The following GUCY1A2 variants were observed in gnomAD, a reference collection of about 807,000 sequenced individuals.
GUCY1A2 encodes the protein guanylate cyclase 1 soluble subunit alpha 2.
In GUCY1A2, 27 loss-of-function variants were observed where a neutral mutation model predicts 63.5. That is an observed-to-expected ratio of 0.43 (90% CI 0.31 to 0.59). The LOEUF is 0.59. Among genes scored for constraint, GUCY1A2 ranks in the 20% least tolerant of loss-of-function variants. The pLI, the probability that GUCY1A2 is intolerant of heterozygous loss-of-function variation, is 0.11. For synonymous variants in GUCY1A2, 364 were observed against 343.5 expected (o/e 1.06, Z -0.66); for missense variants, 768 against 913.3 (o/e 0.84, Z 2.05).
chr11:106,849,996 T>C (rs1358464256), intron 4 of GUCY1A2, among the ~76,000 whole-genome samples: 1 of 151,752 alleles, frequency 6.6e-6, no homozygotes, highest in East Asian at 1.9e-4. Flanking sequence ...TAGAATAGTT[T>C]CATCACCCCA....
chr11:106,770,060 TAAC>T lies in GUCY1A2; in HGVS notation c.1836+6376_1836+6378del, dbSNP rs369366537. On this transcript the variant is annotated intron_variant, in intron 6 of 7. Coordinates refer to ENST00000526355, the MANE Select transcript of GUCY1A2 (RefSeq NM_000855.3). The stretch of plus-strand genomic sequence containing the variant: ...ATAAAAAAAATATAACAAACAAAAA[TAAC>T]AATTCAACAATTAAAAACTACAAAC... Among the ~76,000 whole-genome samples the T allele has an allele frequency of 8.8e-3, 1,343 of 151,910 alleles. 11 individuals carry two copies. Among genetic ancestry groups the T allele is most frequent in the Middle Eastern group, 0.017 (5 of 294 alleles).
At chr11:106,771,741 G>C (rs140835476) in intron 6 of GUCY1A2, among the ~76,000 whole-genome samples, 111 of 149,996 alleles carry the variant, frequency 7.4e-4, no homozygotes, top group African/African-American at 2.7e-3. Flanking sequence ...AACAGAGCAA[G>C]ACCCTGTGTC....
At chr11:106,688,596 A>G (rs1409128425) in intron 7 of GUCY1A2, among the ~76,000 whole-genome samples, 1 of 152,206 alleles carries the variant, frequency 6.6e-6, no homozygotes, top group African/African-American at 2.4e-5. Flanking sequence ...CAGTTTTGTC[A>G]ACAGATATAG....
rs575246670 is a variant in GUCY1A2 at position 106,835,758 on chromosome 11, T to C, written c.1207-25280A>G. Among the ~76,000 whole-genome samples the C allele has an allele frequency of 2.6e-5, 4 of 152,004 alleles. No individual in the cohort carries two copies. In the East Asian group the frequency reaches 7.8e-4, roughly 29 times the overall value. On this transcript the variant is annotated intron_variant, in intron 4 of 7. Coordinates refer to ENST00000526355, the MANE Select transcript of GUCY1A2 (RefSeq NM_000855.3). Reference sequence around the variant, plus strand: ...ATGGATTGAGAAATAATAACTGTCATCCTAGTGTGGTACACTCAGAAAAGC... The same window carrying C: ...ATGGATTGAGAAATAATAACTGTCACCCTAGTGTGGTACACTCAGAAAAGC...
intron 4 of GUCY1A2, among the ~76,000 whole-genome samples, chr11:106,855,734 C>G (rs1385812035): frequency 6.6e-6 from 1 of 152,000 alleles, no homozygotes; most frequent in Non-Finnish European, 1.5e-5. Context: ...TTTGAACACT[C>G]AATTTTATTA....
At chr11:107,007,248 C>T (rs2120198236) in intron 1 of GUCY1A2, among the ~76,000 whole-genome samples, 1 of 152,300 alleles carries the variant, frequency 6.6e-6, no homozygotes, top group Admixed American at 6.5e-5. Context: ...CAAAGACTAA[C>T]TAGTTACCAG....
intron 4 of GUCY1A2, among the ~76,000 whole-genome samples, chr11:106,851,590 T>A (rs185896718): frequency 3.3e-5 from 5 of 152,084 alleles, no homozygotes; most frequent in African/African-American, 1.2e-4. Context: ...TTCCCTTCAC[T>A]ATTTATTGAA....
At chr11:106,887,413 A>C (rs1859914762) in intron 4 of GUCY1A2, among the ~76,000 whole-genome samples, 1 of 152,038 alleles carries the variant, frequency 6.6e-6, no homozygotes, top group Non-Finnish European at 1.5e-5. Flanking sequence ...TCCTTTCTCC[A>C]CTTACATGGC....
At position 106,684,018 on chromosome 11, in the gene GUCY1A2, G is replaced by A. The variant is rs1862477752; in HGVS notation, c.*3531C>T. 1.6e-5 allele frequency: 3 copies of A among 193,546 alleles called. No individual in the cohort carries two copies. The East Asian group carries it at 2.4e-4, about 16-fold the overall frequency. The allele number at this position is 193,546 out of a possible 1,614,324, so 12.0% of individuals were successfully genotyped here. A position where few individuals can be genotyped will look rare whatever the true frequency, so the allele number is the denominator to read the frequency against. ...TTTGGAGGCATTTGCAAAATTAAAA[G>A]TCTTGCTCCCCTTGTGAATGAGATT... On this transcript the variant is annotated 3_prime_UTR_variant, in exon 8 of 8. Coordinates refer to ENST00000526355, the MANE Select transcript of GUCY1A2 (RefSeq NM_000855.3).
At chr11:106,837,997 C>T (rs11824947) in intron 4 of GUCY1A2, among the ~76,000 whole-genome samples, 4,276 of 152,024 alleles carry the variant, frequency 0.028, 195 homozygotes, top group African/African-American at 0.096. Context: ...TGAGCACACA[C>T]TCTATGCTAA....
intron 4 of GUCY1A2, among the ~76,000 whole-genome samples, chr11:106,864,351 A>C (rs186708720): frequency 6.6e-6 from 1 of 152,208 alleles, no homozygotes; most frequent in East Asian, 1.9e-4. Context: ...ATATACAATC[A>C]TGTCATCTGC....
At chr11:106,723,257 T>C (rs903782079) in intron 6 of GUCY1A2, among the ~76,000 whole-genome samples, 1 of 152,208 alleles carries the variant, frequency 6.6e-6, no homozygotes, top group Non-Finnish European at 1.5e-5. Context: ...TCTAGCTGGA[T>C]AGTTTCTCAC....
intron 7 of GUCY1A2, among the ~76,000 whole-genome samples, chr11:106,698,250 A>T (rs1007717933): frequency 6.7e-6 from 1 of 150,102 alleles, no homozygotes; most frequent in African/African-American, 2.5e-5. Context: ...CTCTTGAGCA[A>T]CTGAGACTTT....
intron 4 of GUCY1A2, among the ~76,000 whole-genome samples, chr11:106,831,473 C>T (rs1001879223): frequency 1.1e-4 from 17 of 152,128 alleles, no homozygotes; most frequent in African/African-American, 4.1e-4. Flanking sequence ...AAATTGCATA[C>T]TTAGAGCACT....
intron 4 of GUCY1A2, among the ~76,000 whole-genome samples, chr11:106,829,529 A>G (rs539219913): frequency 6.6e-6 from 1 of 152,312 alleles, no homozygotes; most frequent in Non-Finnish European, 1.5e-5. Context: ...ATCAGGATGA[A>G]TATGATGGTT....
intron 4 of GUCY1A2, among the ~76,000 whole-genome samples, chr11:106,875,206 T>G (rs368860690): frequency 5.3e-5 from 8 of 152,030 alleles, no homozygotes; most frequent in Non-Finnish European, 1.0e-4. Flanking sequence ...TACCAGGAGG[T>G]AGCAAGGAAA....
At chr11:106,844,168 C>CATA (rs1565307728) in intron 4 of GUCY1A2, among the ~76,000 whole-genome samples, 1 of 151,692 alleles carries the variant, frequency 6.6e-6, no homozygotes, top group Non-Finnish European at 1.5e-5. Flanking sequence ...AATCTGTGGA[C>CATA]ATAAGTATTT....
At chr11:107,007,809 T>C (rs1198763786) in intron 1 of GUCY1A2, among the ~76,000 whole-genome samples, 1 of 152,204 alleles carries the variant, frequency 6.6e-6, no homozygotes, top group Non-Finnish European at 1.5e-5. Context: ...TTTAATAGAA[T>C]GTTTGGTAAT....
intron 1 of GUCY1A2, 92 bp downstream of exon 1, chr11:107,017,661 C>T (rs1861842324): frequency 1.4e-6 from 1 of 710,778 alleles, no homozygotes; most frequent in Non-Finnish European, 2.0e-6. Flanking sequence ...AGCGGTCGGG[C>T]TCTGCGCTCG....
Sources: gnomAD v4.1 joint callset for allele counts (sites outside exome capture counted in the v4.1 genomes callset) on GRCh38, gnomAD v4.1.1 for gene constraint, MANE v1.5 for transcripts, NCBI Gene and HGNC (gene_info 2026-07-23, HGNC 2026-07-21) for gene names.